The following ACBD6 variants were observed in gnomAD, a reference collection of about 807,000 sequenced individuals.
ACBD6 encodes acyl-CoA-binding domain-containing protein 6.
Under a neutral mutation model 37.2 loss-of-function variants are expected in ACBD6, and 28 were observed. The ratio of observed to expected loss-of-function variants is 0.75; its 90% CI spans 0.56 to 1.03. The LOEUF (loss-of-function observed/expected upper bound fraction) is 1.03, where lower values mean the gene tolerates loss of function less well. Among genes scored for constraint, ACBD6 ranks in the 50% least tolerant of loss-of-function variants. The probability of loss-of-function intolerance (pLI) is 0.00; values close to 1 mark genes in which losing one functional copy is unlikely to be tolerated. For synonymous variants in ACBD6, 113 were observed against 126.8 expected, an observed-to-expected ratio of 0.89 and a Z score of 0.73; for missense variants, 340 against 337.4, an observed-to-expected ratio of 1.01 and a Z score of -0.06.
At chr1:180,477,069 A>G (rs1180093890) in intron 3 of ACBD6, among the ~76,000 whole-genome samples, 2 of 152,324 alleles carry the variant, frequency 1.3e-5, no homozygotes, top group Non-Finnish European at 2.9e-5. Flanking sequence ...TGTAGACACT[A>G]CAGAGCCCTA....
intron 6 of ACBD6, among the ~76,000 whole-genome samples, chr1:180,325,118 T>C (rs2149296957): frequency 6.6e-6 from 1 of 152,312 alleles, no homozygotes; most frequent in South Asian, 2.1e-4. Context: ...CTTCTTGTGC[T>C]TGAATGTTGG....
chr1:180,298,616 T>C (rs1650009936), intron 7 of ACBD6, among the ~76,000 whole-genome samples: 1 of 152,202 alleles, frequency 6.6e-6, no homozygotes, highest in Admixed American at 6.5e-5. Context: ...CAACCAGCTA[T>C]GAAAATGCTA....
chr1:180,394,465 CTT>C (rs1456988513), intron 6 of ACBD6, among the ~76,000 whole-genome samples: 1 of 151,298 alleles, frequency 6.6e-6, no homozygotes, highest in Non-Finnish European at 1.5e-5. Context: ...GAAAAAATGA[CTT>C]TGAAATTTAC....
chr1:180,446,962 A>G (rs565792076), intron 3 of ACBD6, among the ~76,000 whole-genome samples: 1 of 152,096 alleles, frequency 6.6e-6, no homozygotes, highest in South Asian at 2.1e-4. Context: ...TATTGCTTGA[A>G]CCCGGGAGGG....
intron 4 of ACBD6, among the ~76,000 whole-genome samples, chr1:180,425,909 T>A (rs1033779822): frequency 1.3e-5 from 2 of 152,226 alleles, no homozygotes; most frequent in Middle Eastern, 3.2e-3. Flanking sequence ...TTTATACTTA[T>A]ATTCTTCCAT....
chr1:180,373,376 C>T (rs1190705066), intron 6 of ACBD6, among the ~76,000 whole-genome samples: 2 of 152,108 alleles, frequency 1.3e-5, no homozygotes, highest in Non-Finnish European at 2.9e-5. Context: ...AAAAATGTAA[C>T]TTAAAACATT....
At position 180,460,126 on chromosome 1, in the gene ACBD6, C is replaced by T. The variant is rs71630264; in HGVS notation, c.385-29864G>A. Among the ~76,000 whole-genome samples, 356 of 140,502 alleles carry T rather than the reference C, an allele frequency of 2.5e-3. 3 individuals carry two copies. Among genetic ancestry groups the T allele is most frequent in the Non-Finnish European group, 3.7e-3 (236 of 64,418 alleles). 92.2% of individuals were successfully genotyped at this position (140,502 alleles called of 152,430 possible). A position where few individuals can be genotyped will look rare whatever the true frequency, so the allele number is the denominator to read the frequency against. On this transcript the variant is annotated intron_variant, in intron 3 of 7. Coordinates refer to ENST00000367595, the MANE Select transcript of ACBD6 (RefSeq NM_032360.4). The stretch of plus-strand genomic sequence containing the variant: ...AGATATATCTCCTAATGCTATCCCT[C>T]CCCCCTCCCCCTACCCCACAGTAGG...
At position 180,411,167 on chromosome 1, in the gene ACBD6, C is replaced by T. The variant is rs545077272; in HGVS notation, c.573+2199G>A. ...TAAAACTTGAACAGATGAGGAGTAG[C>T]TTCTTATGGATAAGCAAACAAAGTG... On this transcript the variant is annotated intron_variant, in intron 5 of 7. Transcript: ENST00000367595. Among the ~76,000 whole-genome samples the T allele has an allele frequency of 6.6e-5, 10 of 152,308 alleles. No homozygotes were observed. In the South Asian group the frequency reaches 1.7e-3, roughly 25 times the overall value.
chr1:180,330,732 C>A (rs1266964821), intron 6 of ACBD6, among the ~76,000 whole-genome samples: 5 of 152,184 alleles, frequency 3.3e-5, no homozygotes, highest in African/African-American at 9.6e-5. Flanking sequence ...GCTTTGGGAA[C>A]TGCAGCTAAA....
intron 3 of ACBD6, among the ~76,000 whole-genome samples, chr1:180,434,233 G>T (rs1403046194): frequency 6.6e-6 from 1 of 152,108 alleles, no homozygotes; most frequent in Non-Finnish European, 1.5e-5. Context: ...TGACAAAAAA[G>T]ACTCTTTGTA....
intron 3 of ACBD6, among the ~76,000 whole-genome samples, chr1:180,463,751 C>CA (rs1280031950): frequency 2.6e-5 from 4 of 152,014 alleles, no homozygotes; most frequent in African/African-American, 9.7e-5. Flanking sequence ...AGAGACACAA[C>CA]AAAAAAAGAA....
At chr1:180,486,355 TCATA>T (rs1420406975) in intron 3 of ACBD6, among the ~76,000 whole-genome samples, 2 of 152,284 alleles carry the variant, frequency 1.3e-5, no homozygotes, top group East Asian at 1.9e-4. Context: ...CAAATGAAGC[TCATA>T]CAGTTTGCCA....
chr1:180,360,392 A>G (rs1285324349), intron 6 of ACBD6, among the ~76,000 whole-genome samples: 2 of 152,188 alleles, frequency 1.3e-5, no homozygotes, highest in African/African-American at 2.4e-5. Context: ...TGAACCACTA[A>G]TCCAGAGGTA....
At chr1:180,293,285 G>C (rs1649786593) in intron 7 of ACBD6, among the ~76,000 whole-genome samples, 1 of 137,402 alleles carries the variant, frequency 7.3e-6, no homozygotes, top group Non-Finnish European at 1.5e-5. Context: ...GGAAGTGTTT[G>C]TGTGTAGAAT....
intron 6 of ACBD6, among the ~76,000 whole-genome samples, chr1:180,385,083 T>C (rs971656529): frequency 2.0e-5 from 3 of 152,072 alleles, no homozygotes; most frequent in African/African-American, 4.8e-5. Context: ...TAATGTTTCA[T>C]AGCAGAGTAG....
intron 1 of ACBD6, among the ~76,000 whole-genome samples, chr1:180,499,215 T>G (rs1651857236): frequency 6.6e-6 from 1 of 152,244 alleles, no homozygotes; most frequent in Non-Finnish European, 1.5e-5. Context: ...TTTATAAATT[T>G]TGATCCAATA....
In ACBD6 at chr1:180,479,577, G is replaced by T. The variant is rs12057705; in HGVS notation, c.384+12692C>A. On this transcript the variant is annotated intron_variant, in intron 3 of 7. Transcript: ENST00000367595. ...GTAAGAAAGAAGGAATAAATTCAAT[G>T]TTTGATAGCAGAGTAGAGGGACTAC... 7.2e-3 allele frequency among the ~76,000 whole-genome samples: 1,092 copies of T among 152,234 alleles called. 13 individuals carry two copies. The highest frequency in any genetic ancestry group is 0.025 in the African/African-American group (1,046 of 41,528).
intron 7 of ACBD6, among the ~76,000 whole-genome samples, chr1:180,313,273 A>C (rs554322649): frequency 4.6e-5 from 7 of 152,314 alleles, no homozygotes; most frequent in Non-Finnish European, 5.9e-5. Flanking sequence ...AGGTTATGCT[A>C]GACAAATTCA....
intron 6 of ACBD6, among the ~76,000 whole-genome samples, chr1:180,334,868 A>G (rs181446879): frequency 6.6e-6 from 1 of 152,316 alleles, no homozygotes; most frequent in African/African-American, 2.4e-5. Flanking sequence ...ACGAATGCAC[A>G]AGCCTCAGTA....
Sources: gnomAD v4.1 joint callset for allele counts (sites outside exome capture counted in the v4.1 genomes callset) on GRCh38, gnomAD v4.1.1 for gene constraint, MANE v1.5 for transcripts, NCBI Gene and HGNC (gene_info 2026-07-23, HGNC 2026-07-21) for gene names.